Variants in ITGB8 observed in about 807,000 individuals in gnomAD.
ITGB8 encodes integrin beta-8.
ITGB8 carries 30 observed loss-of-function variants against 89.5 expected under a neutral mutation model. That is an observed-to-expected ratio of 0.34 (90% confidence interval 0.25 to 0.45). The LOEUF (loss-of-function observed/expected upper bound fraction) is 0.45. Among genes scored for constraint, ITGB8 ranks in the 20% least tolerant of loss-of-function variants. The pLI, the probability that ITGB8 is intolerant of heterozygous loss-of-function variation, is 1.00. For synonymous variants in ITGB8, 335 were observed against 320.4 expected (o/e 1.05, Z -0.49); for missense variants, 836 against 933.3 (o/e 0.90, Z 1.36).
chr7:20,393,928 C>T (rs374255852), intron 7 of ITGB8, among the ~76,000 whole-genome samples: 48 of 152,284 alleles, frequency 3.2e-4, no homozygotes, highest in African/African-American at 1.1e-3. Flanking sequence ...TTCACGTGTT[C>T]ACATGTACAG....
intron 1 of ITGB8, among the ~76,000 whole-genome samples, chr7:20,357,669 C>A (rs1043077964): frequency 3.3e-5 from 5 of 152,104 alleles, no homozygotes; most frequent in African/African-American, 1.2e-4. Flanking sequence ...TATAGTTAGC[C>A]CTTTGTTACT....
chr7:20,332,401 G>C lies in ITGB8; in HGVS notation c.127+468G>C, dbSNP rs888516739. Among the ~76,000 whole-genome samples the C allele has an allele frequency of 3.9e-5, 6 of 152,280 alleles. No individual in the cohort carries two copies. In the East Asian group the frequency reaches 1.2e-3, roughly 29 times the overall value. On this transcript the variant is annotated intron_variant, in intron 1 of 13. Transcript: ENST00000222573. ...CAATTTTTGAGTCCAGAAAAAGACA[G>C]CATACAAGTTTCTGCTATCATTAGT...
intron 1 of ITGB8, 43 bp downstream of exon 1, chr7:20,331,976 G>A: frequency 6.3e-7 from 1 of 1,599,788 alleles, no homozygotes; most frequent in Non-Finnish European, 8.5e-7. Flanking sequence ...CTTCCCCAAA[G>A]GTCTTGGGCT....
At chr7:20,350,530 T>A (rs545009367) in intron 1 of ITGB8, among the ~76,000 whole-genome samples, 1 of 152,372 alleles carries the variant, frequency 6.6e-6, no homozygotes, top group African/African-American at 2.4e-5. Flanking sequence ...CTGTACATGC[T>A]ATAAAGCAAA....
intron 1 of ITGB8, among the ~76,000 whole-genome samples, chr7:20,343,578 CA>C (rs968577733): frequency 8.6e-5 from 13 of 151,340 alleles, no homozygotes; most frequent in East Asian, 3.9e-4. Context: ...TAAGTAATTA[CA>C]AAAAAAAATT....
intron 12 of ITGB8, among the ~76,000 whole-genome samples, chr7:20,408,756 G>A (rs1271021747): frequency 6.6e-6 from 1 of 152,150 alleles, no homozygotes; most frequent in African/African-American, 2.4e-5. Flanking sequence ...AACAGAGCCT[G>A]TAGACTTTCA....
chr7:20,337,918 C>T (rs1484161095), intron 1 of ITGB8, among the ~76,000 whole-genome samples: 2 of 152,192 alleles, frequency 1.3e-5, no homozygotes, highest in Non-Finnish European at 2.9e-5. Context: ...TAAACTGAGT[C>T]ACCCCTGTGC....
chr7:20,332,624 T>A (rs1167235686), intron 1 of ITGB8, among the ~76,000 whole-genome samples: 1 of 152,232 alleles, frequency 6.6e-6, no homozygotes, highest in Non-Finnish European at 1.5e-5. Context: ...GCTACCTTAA[T>A]GTGGAGAGGT....
rs192122560 is a variant in ITGB8 at position 20,340,463 on chromosome 7, T to C, written c.127+8530T>C. ...CTGAAGAACTGTACCAAATATGTCA[T>C]ATTAGGTATGTGAGATGTGTGGTGG... is the stretch of plus-strand genomic sequence containing the variant. On this transcript the variant is annotated intron_variant, in intron 1 of 13. Transcript: ENST00000222573. Among the ~76,000 whole-genome samples the C allele has an allele frequency of 6.3e-3, 955 of 152,338 alleles. 6 individuals are homozygous for C. The highest frequency in any genetic ancestry group is 8.3e-3 in the Non-Finnish European group (564 of 68,020).
intron 7 of ITGB8, among the ~76,000 whole-genome samples, chr7:20,392,818 T>C (rs936886892): frequency 6.6e-6 from 1 of 152,228 alleles, no homozygotes; most frequent in African/African-American, 2.4e-5. Flanking sequence ...ATTCCTTGTT[T>C]ACCCAAATGT....
chr7:20,346,714 C>T (rs1293195217), intron 1 of ITGB8: 29 of 985,160 alleles, frequency 2.9e-5, no homozygotes, highest in South Asian at 4.7e-5. Flanking sequence ...ACACTCTTGA[C>T]TCCAGATGAT....
intron 5 of ITGB8, chr7:20,381,071 A>G: frequency 2.7e-6 from 1 of 363,774 alleles, no homozygotes; most frequent in Non-Finnish European, 4.9e-6. Context: ...ATGAACGCGA[A>G]AATTCTTTCC....
At chr7:20,357,644 G>A (rs891845105) in intron 1 of ITGB8, among the ~76,000 whole-genome samples, 41 of 152,140 alleles carry the variant, frequency 2.7e-4, no homozygotes, top group African/African-American at 8.9e-4. Context: ...CCTCACATCA[G>A]CAATTTGATA....
intron 3 of ITGB8, among the ~76,000 whole-genome samples, chr7:20,378,162 G>C (rs1453807392): frequency 6.6e-6 from 1 of 152,156 alleles, no homozygotes; most frequent in Non-Finnish European, 1.5e-5. Context: ...AGAGGGTTAG[G>C]GGGGACAACC....
chr7:20,391,532 T>A, intron 7 of ITGB8, 34 bp downstream of exon 7: 1 of 1,168,120 alleles, frequency 8.6e-7, no homozygotes, highest in Non-Finnish European at 1.2e-6. Context: ...AAATTAAATT[T>A]TTTTCATTGG....
intron 1 of ITGB8, 138 bp from the exon 2 acceptor site, chr7:20,363,499 G>A (rs1473907011): frequency 2.2e-6 from 1 of 464,446 alleles, no homozygotes; most frequent in South Asian, 5.5e-5. Flanking sequence ...TATCTTTGTT[G>A]TCAGATTTTT....
At chr7:20,336,240 C>T (rs533092780) in intron 1 of ITGB8, among the ~76,000 whole-genome samples, 34 of 152,206 alleles carry the variant, frequency 2.2e-4, no homozygotes, top group African/African-American at 6.7e-4. Flanking sequence ...CTCCTGACCT[C>T]GTGATCTGCT....
At chr7:20,398,693 T>C (rs1226117505) in intron 8 of ITGB8, among the ~76,000 whole-genome samples, 167 bp from the exon 9 acceptor site, 4 of 152,210 alleles carry the variant, frequency 2.6e-5, no homozygotes, top group Non-Finnish European at 5.9e-5. Flanking sequence ...ATTTCAAATA[T>C]AATTGGGTCA....
At chr7:20,396,319 G>T (rs980364734) in intron 8 of ITGB8, among the ~76,000 whole-genome samples, 1 of 151,932 alleles carries the variant, frequency 6.6e-6, no homozygotes, top group African/African-American at 2.4e-5. Flanking sequence ...TGTAGTCCCA[G>T]CTACTCGGGA....
Sources: allele counts gnomAD v4.1 joint callset (sites outside exome capture counted in the v4.1 genomes callset), GRCh38; gene constraint gnomAD v4.1.1; transcripts MANE v1.5; gene names NCBI Gene and HGNC (gene_info 2026-07-23, HGNC 2026-07-21).